THEMIS: variants seen among roughly 807,000 people sequenced by gnomAD.
THEMIS encodes protein THEMIS.
A neutral mutation model predicts 52.6 loss-of-function variants in THEMIS; 37 were observed. The observed-to-expected ratio is 0.70, with a 90% CI of 0.54 to 0.93. The LOEUF (loss-of-function observed/expected upper bound fraction) is 0.93, where lower values mean the gene tolerates loss of function less well. THEMIS is among the 40% of genes least tolerant of loss of function. The pLI is 0.00. For missense variants in THEMIS, 808 were observed against 763.1 expected, an observed-to-expected ratio of 1.06 and a Z score of -0.69; for synonymous variants, 292 against 272.7, an observed-to-expected ratio of 1.07 and a Z score of -0.70.
At chr6:127,912,181 C>G (rs577720589) in intron 1 of THEMIS, among the ~76,000 whole-genome samples, 1 of 152,116 alleles carries the variant, frequency 6.6e-6, no homozygotes, top group African/African-American at 2.4e-5. Flanking sequence ...AATGACTGCC[C>G]TATTGGATTT....
chr6:127,891,267 A>G (rs1039627374), intron 1 of THEMIS, among the ~76,000 whole-genome samples: 15 of 152,176 alleles, frequency 9.9e-5, no homozygotes, highest in African/African-American at 3.6e-4. Flanking sequence ...GCGGTGGCTC[A>G]CACCTGTAAT....
At chr6:127,700,971 GA>G in the THEMIS span, among the ~76,000 whole-genome samples, 1 of 152,006 alleles carries the variant, frequency 6.6e-6, no homozygotes, top group African/African-American at 2.4e-5. Context: ...GGTACCCCAG[GA>G]TAAGTACTAT....
At chr6:127,857,318 T>C (rs1452444636) in intron 1 of THEMIS, among the ~76,000 whole-genome samples, 1 of 151,896 alleles carries the variant, frequency 6.6e-6, no homozygotes, top group Non-Finnish European at 1.5e-5. Context: ...GACTGCAGAT[T>C]TGAGTTTTAA....
chr6:127,854,961 G>T, intron 2 of THEMIS, 69 bp downstream of exon 2: 1 of 1,290,294 alleles, frequency 7.8e-7, no homozygotes, highest in Non-Finnish European at 1.0e-6. Context: ...TCTTGTTTTT[G>T]GTTGTGTATA....
chr6:127,867,406 G>A (rs1025818559), intron 1 of THEMIS, among the ~76,000 whole-genome samples: 9 of 152,030 alleles, frequency 5.9e-5, no homozygotes, highest in African/African-American at 2.2e-4. Flanking sequence ...ATTATCATAG[G>A]ATCTAGGACT....
At chr6:127,916,677 TG>T (rs1781534296) in intron 1 of THEMIS, among the ~76,000 whole-genome samples, 1 of 152,262 alleles carries the variant, frequency 6.6e-6, no homozygotes, top group African/African-American at 2.4e-5. Context: ...CTTGCTGTGC[TG>T]TTAGATTCTA....
At chr6:127,728,305 G>T (rs1774624846) in intron 4 of THEMIS, among the ~76,000 whole-genome samples, 1 of 152,004 alleles carries the variant, frequency 6.6e-6, no homozygotes, top group East Asian at 1.9e-4. Context: ...CGTTGTTTTG[G>T]TTTTATTTTT....
At chr6:127,841,856 G>T (rs1779060008) in intron 2 of THEMIS, among the ~76,000 whole-genome samples, 2 of 151,988 alleles carry the variant, frequency 1.3e-5, no homozygotes. Context: ...ATGTTGTAAG[G>T]TAGACACAGC....
intron 1 of THEMIS, among the ~76,000 whole-genome samples, chr6:127,877,622 A>C (rs540973634): frequency 6.6e-6 from 1 of 152,176 alleles, no homozygotes; most frequent in Non-Finnish European, 1.5e-5. Context: ...ACATTTATTA[A>C]ATTTTCCATC....
At chr6:127,729,192 CT>C in intron 4 of THEMIS, among the ~76,000 whole-genome samples, 1 of 124,414 alleles carries the variant, frequency 8.0e-6, no homozygotes, top group Non-Finnish European at 1.7e-5. Context: ...CTCTCTCTCT[CT>C]CTCTCTCTCT....
chr6:127,812,550 G>A (rs761798202), intron 4 of THEMIS, among the ~76,000 whole-genome samples: 1 of 152,064 alleles, frequency 6.6e-6, no homozygotes, highest in Non-Finnish European at 1.5e-5. Context: ...AAAATTAACA[G>A]AACTTCTAAA....
At chr6:127,804,500 G>A (rs931842194) in intron 4 of THEMIS, among the ~76,000 whole-genome samples, 1 of 152,150 alleles carries the variant, frequency 6.6e-6, no homozygotes, top group South Asian at 2.1e-4. Flanking sequence ...ACCTGGTATA[G>A]CGCCAGCTCA....
chr6:127,902,907 A>AC (rs1387300815), upstream of THEMIS, among the ~76,000 whole-genome samples: 1 of 151,950 alleles, frequency 6.6e-6, no homozygotes, highest in African/African-American at 2.4e-5. Context: ...GATATCACTT[A>AC]TTTTTTTAAT....
intron 1 of THEMIS, among the ~76,000 whole-genome samples, chr6:127,912,013 A>T (rs9388601): frequency 0.13 from 19,291 of 152,142 alleles, 1,670 homozygotes; most frequent in East Asian, 0.38. Flanking sequence ...ACCTTGGGTT[A>T]TGGGTTTGCA....
In THEMIS at chr6:127,829,620, C is replaced by T; in HGVS notation, c.565G>A (p.Glu189Lys). ...ERIYTLKEIV[E>K]WKIPKNRTRT... ...GTTCTGTTCTTAGGAATCTTCCATT[C>T]AACAATCTCCTTTAGAGTGTAAATA... is the stretch of plus-strand genomic sequence containing the variant. Residue 189 changes from glutamate to lysine, a missense_variant, in exon 3 of 6, where the codon GAA becomes AAA. Transcript: ENST00000368248. 6.2e-7 allele frequency: 1 copy of T among 1,614,074 alleles called. No homozygotes were observed. Among genetic ancestry groups the T allele is most frequent in the Non-Finnish European group, 8.5e-7 (1 of 1,180,012 alleles).
chr6:127,710,074 A>G, intron 5 of THEMIS, 58 bp from the exon 6 acceptor site: 1 of 1,249,890 alleles, frequency 8.0e-7, no homozygotes, highest in African/African-American at 1.6e-5. Context: ...ACCAGAAAGG[A>G]AACTGCCTGC....
chr6:127,739,085 A>G (rs909506016), intron 4 of THEMIS, among the ~76,000 whole-genome samples: 1 of 151,670 alleles, frequency 6.6e-6, no homozygotes, highest in Non-Finnish European at 1.5e-5. Context: ...GTGCATCTAA[A>G]CTCCCTCAGC....
intron 1 of THEMIS, among the ~76,000 whole-genome samples, chr6:127,889,746 T>C (rs1019699761): frequency 1.3e-5 from 2 of 152,066 alleles, no homozygotes; most frequent in African/African-American, 2.4e-5. Flanking sequence ...CTAAGATAGA[T>C]TGGGAATTTC....
intron 5 of THEMIS, among the ~76,000 whole-genome samples, chr6:127,711,354 G>T (rs935364337): frequency 7.2e-5 from 11 of 151,952 alleles, no homozygotes; most frequent in African/African-American, 2.4e-4. Context: ...CTCCTGAGGA[G>T]GTCACAGACT....
Sources: gnomAD v4.1 joint callset for allele counts (sites outside exome capture counted in the v4.1 genomes callset) on GRCh38, gnomAD v4.1.1 for gene constraint, MANE v1.5 for transcripts, NCBI Gene and HGNC (gene_info 2026-07-23, HGNC 2026-07-21) for gene names.